The following BICC1 variants were observed in gnomAD, a reference collection of about 807,000 sequenced individuals.
BICC1 encodes the protein BicC family RNA binding protein 1, also known as protein bicaudal C homolog 1.
Under a neutral mutation model 111.0 loss-of-function variants are expected in BICC1, and 43 were observed. That is an observed-to-expected ratio of 0.39 (90% CI 0.30 to 0.50). The LOEUF (loss-of-function observed/expected upper bound fraction) is 0.50, where lower values mean the gene tolerates loss of function less well. Among genes scored for constraint, BICC1 ranks in the 20% least tolerant of loss-of-function variants. The pLI, the probability that BICC1 is intolerant of heterozygous loss-of-function variation, is 0.88. For missense variants in BICC1, 1,091 were observed against 1,203.2 expected, an observed-to-expected ratio of 0.91 and a Z score of 1.38; for synonymous variants, 467 against 434.4, an observed-to-expected ratio of 1.07 and a Z score of -0.93.
chr10:58,650,227 C>T (rs980978403), intron 2 of BICC1: 2 of 152,166 alleles, frequency 1.3e-5, no homozygotes, highest in Non-Finnish European at 2.9e-5. Flanking sequence ...TCTTCCTTTA[C>T]TCCACTGCCT....
chr10:58,788,475 T>C (rs770320369), intron 6 of BICC1, 52 bp downstream of exon 6: 29 of 1,195,136 alleles, frequency 2.4e-5, no homozygotes, highest in Non-Finnish European at 3.3e-5. Flanking sequence ...ACATTTGCAT[T>C]ATAAGGCACT....
At chr10:58,522,729 C>T (rs559276651) in intron 1 of BICC1, among the ~76,000 whole-genome samples, 1 of 152,046 alleles carries the variant, frequency 6.6e-6, no homozygotes, top group African/African-American at 2.4e-5. Context: ...GAAATAGAGA[C>T]ACAAAAAACC....
intron 1 of BICC1, among the ~76,000 whole-genome samples, chr10:58,531,797 T>A (rs1166584305): frequency 6.6e-6 from 1 of 150,570 alleles, no homozygotes; most frequent in African/African-American, 2.4e-5. Flanking sequence ...AAAAAAAAAA[T>A]TATAGGGGAT....
intron 1 of BICC1, among the ~76,000 whole-genome samples, chr10:58,548,890 C>A (rs944960582): frequency 6.6e-6 from 1 of 152,016 alleles, no homozygotes; most frequent in Non-Finnish European, 1.5e-5. Context: ...GTCAGGGTTT[C>A]CCTCTGTCAC....
chr10:58,825,288 A>T (rs1203412623), intron 20 of BICC1, among the ~76,000 whole-genome samples: 1 of 152,202 alleles, frequency 6.6e-6, no homozygotes, highest in African/African-American at 2.4e-5. Flanking sequence ...TGAACTGCAC[A>T]GGTTCACTTA....
chr10:58,751,044 C>T (rs968598584), intron 3 of BICC1, among the ~76,000 whole-genome samples: 1 of 152,134 alleles, frequency 6.6e-6, no homozygotes. Context: ...CTCTTAATCA[C>T]AGAGCTGATT....
At chr10:58,527,482 C>A (rs1478814642) in intron 1 of BICC1, among the ~76,000 whole-genome samples, 1 of 152,110 alleles carries the variant, frequency 6.6e-6, no homozygotes, top group African/African-American at 2.4e-5. Flanking sequence ...TGTTTTTAGT[C>A]GTGAAGTCCT....
At chr10:58,815,471 T>C (rs1430651774) in intron 18 of BICC1, among the ~76,000 whole-genome samples, 1 of 152,176 alleles carries the variant, frequency 6.6e-6, no homozygotes, top group African/African-American at 2.4e-5. Flanking sequence ...TAGCCCAAGA[T>C]ACATTCATTT....
chr10:58,593,973 C>A (rs1056393561), intron 1 of BICC1, among the ~76,000 whole-genome samples: 1 of 151,756 alleles, frequency 6.6e-6, no homozygotes, highest in African/African-American at 2.4e-5. Context: ...AGCTAAGAAC[C>A]TTTAAAAAAG....
intron 1 of BICC1, among the ~76,000 whole-genome samples, chr10:58,529,515 CTTA>C (rs1842626887): frequency 6.6e-6 from 1 of 151,902 alleles, no homozygotes. Flanking sequence ...AAAAGCATCA[CTTA>C]AAGCAAAGGC....
chr10:58,534,188 C>T (rs1842764895), intron 1 of BICC1, among the ~76,000 whole-genome samples: 1 of 151,686 alleles, frequency 6.6e-6, no homozygotes, highest in African/African-American at 2.4e-5. Context: ...TAAGTCTCCC[C>T]TTACCCAAGA....
At chr10:58,651,524 C>T (rs1344709171) in intron 2 of BICC1, among the ~76,000 whole-genome samples, 1 of 152,152 alleles carries the variant, frequency 6.6e-6, no homozygotes, top group Non-Finnish European at 1.5e-5. Flanking sequence ...CCCAAAATAG[C>T]GGCCATTCAA....
chr10:58,529,148 G>T lies in BICC1; in HGVS notation c.190+15815G>T, dbSNP rs1200527884. ...GAGACTTGTTGGTGTTAACATACTTGTCTAGGTGAACAACAGATTTTATGC... is the reference window on the plus strand; with the variant it reads ...GAGACTTGTTGGTGTTAACATACTTTTCTAGGTGAACAACAGATTTTATGC... On this transcript the variant is annotated intron_variant, in intron 1 of 20. Transcript: ENST00000373886. Among the ~76,000 whole-genome samples, 3 of 151,902 alleles carry T rather than the reference G, an allele frequency of 2.0e-5. No homozygotes were observed. The East Asian group carries it at 5.8e-4, about 30-fold the overall frequency.
At chr10:58,714,293 A>G (rs1840668017) in intron 3 of BICC1, among the ~76,000 whole-genome samples, 1 of 152,156 alleles carries the variant, frequency 6.6e-6, no homozygotes, top group Admixed American at 6.5e-5. Context: ...TTGGCATTAG[A>G]ATATAGTTTA....
intron 3 of BICC1, among the ~76,000 whole-genome samples, chr10:58,754,507 G>A (rs1260984272): frequency 6.6e-6 from 1 of 152,138 alleles, no homozygotes; most frequent in African/African-American, 2.4e-5. Flanking sequence ...TTTTAAAGTG[G>A]GTGTTTCCTC....
Position 58,569,617 on chromosome 10 carries a change from C to T in BICC1, c.191-51238C>T, listed in dbSNP as rs146355001. On this transcript the variant is annotated intron_variant, in intron 1 of 20. Transcript: ENST00000373886. Reference sequence around the variant, plus strand: ...CCATGTGTTCTTGTTGTTCACCTCCCACTTACGAGTGAGAACACGTGGTGT... The same window carrying T: ...CCATGTGTTCTTGTTGTTCACCTCCTACTTACGAGTGAGAACACGTGGTGT... Among the ~76,000 whole-genome samples the T allele has an allele frequency of 2.4e-3, 363 of 152,286 alleles. 1 individual carries two copies. Among genetic ancestry groups the T allele is most frequent in the Middle Eastern group, 0.014 (4 of 292 alleles).
At chr10:58,736,866 G>T (rs970356140) in intron 3 of BICC1, among the ~76,000 whole-genome samples, 11 of 152,058 alleles carry the variant, frequency 7.2e-5, no homozygotes. Flanking sequence ...ATTATTTGTC[G>T]TATTCAGCCA....
At chr10:58,707,622 C>T (rs1007957408) in intron 3 of BICC1, among the ~76,000 whole-genome samples, 8 of 152,048 alleles carry the variant, frequency 5.3e-5, no homozygotes, top group Non-Finnish European at 8.8e-5. Context: ...CTCCGCCTCC[C>T]GGGTTCAAGC....
At chr10:58,704,906 G>T (rs1008028193) in intron 3 of BICC1, among the ~76,000 whole-genome samples, 1 of 152,158 alleles carries the variant, frequency 6.6e-6, no homozygotes, top group African/African-American at 2.4e-5. Flanking sequence ...ACCACAGTTT[G>T]CCCCCTTCTT....
Sources: gnomAD v4.1 joint callset for allele counts (sites outside exome capture counted in the v4.1 genomes callset) on GRCh38, gnomAD v4.1.1 for gene constraint, MANE v1.5 for transcripts, NCBI Gene and HGNC (gene_info 2026-07-23, HGNC 2026-07-21) for gene names.